Variants in EIF4G3 observed in about 807,000 individuals in gnomAD.
EIF4G3 encodes the protein eIF-4-gamma 3.
A neutral mutation model predicts 186.4 loss-of-function variants in EIF4G3; 34 were observed. That is an observed-to-expected ratio of 0.18 (90% confidence interval 0.14 to 0.24). The LOEUF is 0.24. Among genes scored for constraint, EIF4G3 ranks in the 10% least tolerant of loss-of-function variants. The pLI, the probability that EIF4G3 is intolerant of heterozygous loss-of-function variation, is 1.00. For missense variants in EIF4G3, 1,536 were observed against 1,948.5 expected (o/e 0.79, Z 3.99); for synonymous variants, 673 against 679.5 (o/e 0.99, Z 0.15).
intron 2 of EIF4G3, among the ~76,000 whole-genome samples, chr1:21,145,895 C>T (rs756141544): frequency 7.2e-5 from 11 of 152,060 alleles, no homozygotes; most frequent in Non-Finnish European, 1.5e-4. Context: ...GCCTGGGCAA[C>T]ACAGCAAGAC....
In EIF4G3 at chr1:20,980,396, T is replaced by C; in HGVS notation, c.431A>G (p.Gln144Arg). The C allele has an allele frequency of 6.5e-7, 1 of 1,546,582 alleles. No homozygotes were observed. The highest frequency in any genetic ancestry group is 8.6e-7 in the Non-Finnish European group (1 of 1,157,908). ...ATAAAAAGGACCTGGCCCCGGTGGT[T>C]GAACTGGATATTGTTGGGGGGGCCC... Reference protein sequence around the residue: ...YVGPPQQYPVQPPGPGPFYPG... With the variant: ...YVGPPQQYPVRPPGPGPFYPG... The change falls in exon 10 of 37, where the codon CAA becomes CGA. Residue 144 changes from glutamine to arginine, a missense_variant. By Grantham distance (43) the Gln-to-Arg change is conservative. Coordinates refer to ENST00000602326, the MANE Select transcript of EIF4G3 (RefSeq NM_001391906.1).
chr1:20,933,992 G>A (rs775260057), intron 14 of EIF4G3, among the ~76,000 whole-genome samples: 3 of 152,154 alleles, frequency 2.0e-5, no homozygotes, highest in African/African-American at 4.8e-5. Context: ...GAGCCACTAC[G>A]CCCAGCTGAT....
At chr1:20,851,145 T>C in intron 28 of EIF4G3, 113 bp downstream of exon 28, 1 of 868,082 alleles carries the variant, frequency 1.2e-6, no homozygotes, top group Non-Finnish European at 1.8e-6. Flanking sequence ...CAGATGCTGG[T>C]ATGTGTTGCT....
chr1:20,963,931 CAA>C (rs35997561), intron 12 of EIF4G3, among the ~76,000 whole-genome samples: 31 of 122,618 alleles, frequency 2.5e-4, no homozygotes, highest in Admixed American at 3.3e-4. Flanking sequence ...GACTCCATCT[CAA>C]AAAAAAAAAA....
At chr1:20,841,550 C>T (rs1250815960) in intron 29 of EIF4G3, among the ~76,000 whole-genome samples, 1 of 152,148 alleles carries the variant, frequency 6.6e-6, no homozygotes, top group Non-Finnish European at 1.5e-5. Flanking sequence ...AATATTTGCA[C>T]AATCTTCAAT....
chr1:21,019,799 G>A lies in EIF4G3; in HGVS notation c.-66-16991C>T, dbSNP rs191940847. On this transcript the variant is annotated intron_variant, in intron 4 of 36. Transcript: ENST00000602326. ...CTAGGGAGGCTGAGGCAGGAGAATC[G>A]CTTGAACCCAGGAGGCAGAGCTTGC... Among the ~76,000 whole-genome samples the A allele has an allele frequency of 4.8e-3, 728 of 152,210 alleles. 4 individuals carry two copies. Among genetic ancestry groups the A allele is most frequent in the Middle Eastern group, 0.014 (4 of 294 alleles).
At chr1:21,157,531 T>A (rs2097685741) in intron 2 of EIF4G3, among the ~76,000 whole-genome samples, 1 of 151,986 alleles carries the variant, frequency 6.6e-6, no homozygotes, top group Admixed American at 6.6e-5. Context: ...AGACAGGGTT[T>A]CCCTATGTTG....
At chr1:21,146,433 C>T (rs937984142) in intron 2 of EIF4G3, among the ~76,000 whole-genome samples, 20 of 152,282 alleles carry the variant, frequency 1.3e-4, no homozygotes, top group African/African-American at 4.8e-4. Flanking sequence ...TAACTAATGA[C>T]ATACAAATCA....
intron 4 of EIF4G3, among the ~76,000 whole-genome samples, chr1:21,032,680 T>C (rs2092841960): frequency 6.6e-6 from 1 of 152,176 alleles, no homozygotes; most frequent in South Asian, 2.1e-4. Flanking sequence ...GAATTCTATT[T>C]ATGAAGAGTT....
intron 4 of EIF4G3, among the ~76,000 whole-genome samples, chr1:21,032,358 T>A (rs2092818415): frequency 6.6e-6 from 1 of 152,202 alleles, no homozygotes; most frequent in Admixed American, 6.5e-5. Flanking sequence ...TACATTACAA[T>A]TCAAAGTCTA....
At chr1:20,950,611 A>G (rs752055556) in intron 12 of EIF4G3, among the ~76,000 whole-genome samples, 1 of 152,206 alleles carries the variant, frequency 6.6e-6, no homozygotes, top group Non-Finnish European at 1.5e-5. Context: ...CTACTTATCC[A>G]TGTAATCATA....
chr1:20,903,483 G>A (rs1572481461), intron 15 of EIF4G3, among the ~76,000 whole-genome samples: 1 of 152,270 alleles, frequency 6.6e-6, no homozygotes, highest in East Asian at 1.9e-4. Context: ...GCTCTTAACA[G>A]CCACAGCAGG....
intron 2 of EIF4G3, among the ~76,000 whole-genome samples, chr1:21,135,544 A>G (rs986257343): frequency 6.6e-6 from 1 of 152,152 alleles, no homozygotes; most frequent in African/African-American, 2.4e-5. Context: ...TGGGGTAAAA[A>G]ATGAATAGTC....
At chr1:21,087,017 T>TAC (rs1215363864) in intron 3 of EIF4G3, among the ~76,000 whole-genome samples, 2 of 151,960 alleles carry the variant, frequency 1.3e-5, no homozygotes, top group African/African-American at 4.8e-5. Context: ...ACACTATGTA[T>TAC]ATGTAACTCT....
At chr1:21,158,968 T>G (rs1475105556) in intron 2 of EIF4G3, among the ~76,000 whole-genome samples, 1 of 151,768 alleles carries the variant, frequency 6.6e-6, no homozygotes, top group Non-Finnish European at 1.5e-5. Flanking sequence ...GCCTTCAGAT[T>G]TGAGGCACAA....
At chr1:21,076,880 G>GAA (rs2095605113) in intron 3 of EIF4G3, among the ~76,000 whole-genome samples, 2 of 151,962 alleles carry the variant, frequency 1.3e-5, no homozygotes, top group Admixed American at 1.3e-4. Context: ...ACATTGGTCT[G>GAA]AAAAAAGATT....
chr1:21,117,735 G>GAAAAAAAAAAAA (rs2096849809), intron 2 of EIF4G3, among the ~76,000 whole-genome samples: 1 of 20,718 alleles, frequency 4.8e-5, no homozygotes, highest in Non-Finnish European at 1.2e-4. Flanking sequence ...CCAGTATATA[G>GAAAAAAAAAAAA]TAAAAAAAAA....
intron 31 of EIF4G3, among the ~76,000 whole-genome samples, 165 bp from the exon 32 acceptor site, chr1:20,827,863 T>C (rs2064020394): frequency 6.6e-6 from 1 of 152,128 alleles, no homozygotes; most frequent in African/African-American, 2.4e-5. Flanking sequence ...GAGAAGTTCC[T>C]GAAAAGGTAC....
intron 2 of EIF4G3, among the ~76,000 whole-genome samples, chr1:21,168,602 T>G (rs1168906619): frequency 6.6e-6 from 1 of 151,774 alleles, no homozygotes; most frequent in African/African-American, 2.4e-5. Flanking sequence ...ATTTTTTAAT[T>G]TTTATTAGAG....
Sources: gnomAD v4.1 joint callset for allele counts (sites outside exome capture counted in the v4.1 genomes callset) on GRCh38, gnomAD v4.1.1 for gene constraint, MANE v1.5 for transcripts, NCBI Gene and HGNC (gene_info 2026-07-23, HGNC 2026-07-21) for gene names.